Variants in MSANTD7 observed in about 807,000 individuals in gnomAD.
MSANTD7 encodes the protein Myb/SANT DNA binding domain containing 7, also known as zinc finger and SCAN domain containing 29.
the MSANTD7 span, chr10:14,846,419 A>G: frequency 1.0e-6 from 1 of 985,392 alleles, no homozygotes. Context: ...GGGTAAAGTA[A>G]CCCTAATGTG....
the MSANTD7 span, chr10:14,844,122 C>T: frequency 1.6e-5 from 21 of 1,352,354 alleles, no homozygotes; most frequent in Non-Finnish European, 1.8e-5. Flanking sequence ...GATGGAGCCA[C>T]GTTCTAGACA....
the MSANTD7 span, chr10:14,845,363 G>T: frequency 1.0e-6 from 1 of 985,154 alleles, no homozygotes; most frequent in South Asian, 4.7e-5. Context: ...TTGCAGGCTC[G>T]AGTGCTTAGC....
At chr10:14,844,209 G>A in the MSANTD7 span, 2 of 1,139,412 alleles carry the variant, frequency 1.8e-6, no homozygotes, top group Non-Finnish European at 2.2e-6. Context: ...GTAAAATGGG[G>A]ATCAATAATA....
chr10:14,844,428 T>C, the MSANTD7 span: 1 of 994,380 alleles, frequency 1.0e-6, no homozygotes. Flanking sequence ...CTGGTCTAAC[T>C]TGACTGCTTC....
At chr10:14,846,061 G>T in the MSANTD7 span, 35 of 975,254 alleles carry the variant, frequency 3.6e-5, no homozygotes, top group African/African-American at 6.1e-4. Flanking sequence ...GTAGCATTCT[G>T]TGGTATTAAT....
At chr10:14,842,504 T>G in the MSANTD7 span, 3 of 1,536,008 alleles carry the variant, frequency 2.0e-6, no homozygotes, top group Non-Finnish European at 2.6e-6. This position sits in a 1 kb window ranked among gnomAD's most constrained non-coding sequence, Gnocchi z 5.2. Context: ...GGCATTATAT[T>G]TAAAGGCCTA....
chr10:14,846,161 G>T, the MSANTD7 span: 1 of 984,706 alleles, frequency 1.0e-6, no homozygotes, highest in African/African-American at 1.7e-5. Context: ...GCATTGAAAT[G>T]GATACAGCTA....
chr10:14,844,364 A>C, the MSANTD7 span: 6 of 1,025,594 alleles, frequency 5.9e-6, no homozygotes, highest in African/African-American at 1.0e-4. Context: ...TTGGTTTACA[A>C]GATACAGAAG....
chr10:14,843,962 TC>T, the MSANTD7 span: 1 of 1,511,014 alleles, frequency 6.6e-7, no homozygotes, highest in African/African-American at 1.4e-5. Context: ...GCCTTCTGAA[TC>T]CCTGGCTCCT....
At chr10:14,838,636 TC>T in the MSANTD7 span, 1 of 597,588 alleles carries the variant, frequency 1.7e-6, no homozygotes, top group Non-Finnish European at 2.8e-6. Context: ...GCCTGGCGAT[TC>T]CTCCGGAAAG....
the MSANTD7 span, chr10:14,844,049 T>C: frequency 7.0e-7 from 1 of 1,438,462 alleles, no homozygotes; most frequent in East Asian, 2.5e-5. Flanking sequence ...TAGTTCATTT[T>C]CCCAAGATTC....
At chr10:14,844,540 G>C in the MSANTD7 span, 1 of 986,920 alleles carries the variant, frequency 1.0e-6, no homozygotes, top group Non-Finnish European at 1.2e-6. Context: ...TTCCACTGCT[G>C]TGTATCTGAC....
the MSANTD7 span, chr10:14,842,608 A>T: frequency 6.5e-7 from 1 of 1,536,180 alleles, no homozygotes; most frequent in Admixed American, 2.0e-5. This position sits in a 1 kb window ranked among gnomAD's most constrained non-coding sequence, Gnocchi z 5.2. Flanking sequence ...TGACTGACCC[A>T]GACAACTTAA....
chr10:14,843,443 G>A, the MSANTD7 span: 1 of 1,550,754 alleles, frequency 6.4e-7, no homozygotes, highest in East Asian at 2.4e-5. Context: ...CCCTGTCAGA[G>A]CAGCCCCATG....
the MSANTD7 span, chr10:14,843,952 G>A: frequency 1.6e-5 from 24 of 1,520,466 alleles, no homozygotes; most frequent in East Asian, 1.2e-4. Flanking sequence ...TCCCAAACCT[G>A]CCTTCTGAAT....
the MSANTD7 span, chr10:14,843,627 G>T: frequency 6.4e-7 from 1 of 1,550,468 alleles, no homozygotes; most frequent in Non-Finnish European, 8.7e-7. Context: ...GGCGAAGAAG[G>T]CGGTCAGTGG....
the MSANTD7 span, among the ~76,000 whole-genome samples, chr10:14,840,881 A>G: frequency 1.1e-4 from 16 of 152,334 alleles, no homozygotes; most frequent in African/African-American, 3.8e-4. Context: ...CGCAAATACT[A>G]TCATTCCCCA....
chr10:14,844,056 A>G, the MSANTD7 span: 3 of 1,435,436 alleles, frequency 2.1e-6, no homozygotes, highest in African/African-American at 4.3e-5. Flanking sequence ...TTTTCCCAAG[A>G]TTCTCCACCA....
chr10:14,846,724 T>A, the MSANTD7 span: 7 of 984,138 alleles, frequency 7.1e-6, no homozygotes, highest in Non-Finnish European at 8.4e-6. Flanking sequence ...TTCAGACATG[T>A]AAGGCACTGT....
Sources: allele counts gnomAD v4.1 joint callset (sites outside exome capture counted in the v4.1 genomes callset), GRCh38; gene constraint gnomAD v4.1.1; non-coding constraint Gnocchi (gnomAD v3.1); transcripts MANE v1.5; gene names NCBI Gene and HGNC (gene_info 2026-07-23, HGNC 2026-07-21).